Variants in MACF1 observed in about 807,000 individuals in gnomAD.
MACF1 encodes the protein microtubule actin crosslinking factor 1.
In MACF1, 193 loss-of-function variants were observed where a neutral mutation model predicts 854.8. The observed-to-expected ratio is 0.23, with a 90% CI of 0.20 to 0.25. The LOEUF (loss-of-function observed/expected upper bound fraction) is 0.25. Among genes scored for constraint, MACF1 ranks in the 10% least tolerant of loss-of-function variants. The pLI, the probability that MACF1 is intolerant of heterozygous loss-of-function variation, is 1.00. For synonymous variants in MACF1, 3,185 were observed against 3,226.7 expected (o/e 0.99, Z 0.44); for missense variants, 7,722 against 8,929.1 (o/e 0.86, Z 5.45).
chr1:39,194,968 A>G (rs1316435025), intron 2 of MACF1, among the ~76,000 whole-genome samples: 1 of 152,190 alleles, frequency 6.6e-6, no homozygotes, highest in African/African-American at 2.4e-5. Flanking sequence ...CGCTGGGATT[A>G]CAGGGGTGAG....
At position 39,428,361 on chromosome 1, in the gene MACF1, TA is replaced by T. The variant is rs1264787843; in HGVS notation, c.16803+75del. The T allele has an allele frequency of 1.2e-5, 17 of 1,389,948 alleles. No homozygotes were observed. In the African/African-American group the frequency reaches 1.6e-4, roughly 13 times the overall value. 86.1% of individuals were successfully genotyped at this position (1,389,948 alleles called of 1,614,324 possible). Reference sequence around the variant, plus strand: ...ATTTTGATTCATGTTTCTCTTCATTTATTTTTTTTTCTTCATTACAAACACT... The same window carrying T: ...ATTTTGATTCATGTTTCTCTTCATTTTTTTTTTTTCTTCATTACAAACACT... On this transcript the variant is annotated intron_variant, in intron 63 of 100. Coordinates refer to ENST00000564288, the MANE Select transcript of MACF1 (RefSeq NM_001394062.1).
chr1:39,361,602 G>A lies in MACF1; in HGVS notation c.12696G>A (p.Met4232Ile), dbSNP rs761267912. The stretch of plus-strand genomic sequence containing the variant: ...TCTCTGGTAAGCTGCAGCAGTTCAT[G>A]GAAAACAAAAGTCGGATGCTGGCCT... ...EHLSGKLQQFMENKSRMLASG... is the reference protein window; with the variant it reads ...EHLSGKLQQFIENKSRMLASG... Residue 4232 changes from methionine to isoleucine, a missense_variant, in exon 49 of 101, where the codon ATG (methionine) becomes ATA (isoleucine). Met to Ile is a conservative substitution (Grantham distance 10). Transcript: ENST00000564288. The A allele has an allele frequency of 3.1e-6, 5 of 1,614,168 alleles. No individual in the cohort carries two copies. In the Admixed American group the frequency reaches 8.3e-5, roughly 27 times the overall value.
chr1:39,466,133 C>A (rs1331097458), intron 95 of MACF1, among the ~76,000 whole-genome samples: 1 of 152,220 alleles, frequency 6.6e-6, no homozygotes, highest in Non-Finnish European at 1.5e-5. Context: ...CATGCCTACT[C>A]TCACACAGCT....
chr1:39,284,478 G>A (rs1444684820), intron 11 of MACF1, 50 bp downstream of exon 11: 5 of 1,230,330 alleles, frequency 4.1e-6, no homozygotes, highest in Non-Finnish European at 5.7e-6. Flanking sequence ...GGTCTGTACT[G>A]TTGTTGCTTC....
At chr1:39,300,749 C>G (rs373461391) in intron 22 of MACF1, among the ~76,000 whole-genome samples, 1 of 152,126 alleles carries the variant, frequency 6.6e-6, no homozygotes, top group Non-Finnish European at 1.5e-5. Context: ...TAATATTACC[C>G]TAAGAGCATA....
At chr1:39,421,512 G>A (rs939602003) in intron 58 of MACF1, among the ~76,000 whole-genome samples, 3 of 152,162 alleles carry the variant, frequency 2.0e-5, no homozygotes, top group Non-Finnish European at 4.4e-5. Flanking sequence ...TCAGAATGAA[G>A]TTAAATGGCC....
In MACF1 at chr1:39,221,817, G is replaced by T. The variant is rs185749584; in HGVS notation, c.110-9365G>T. 1.0e-3 allele frequency among the ~76,000 whole-genome samples: 152 copies of T among 152,246 alleles called. 1 individual carries two copies. In the South Asian group the frequency reaches 0.019, roughly 19 times the overall value. ...GGTCTGTCACTGGAGACTTCTAACT[G>T]GTTCTTCTGCCTCTTAGTGTCTTTC... On this transcript the variant is annotated intron_variant, in intron 1 of 100. Transcript: ENST00000564288.
chr1:39,439,409 C>T lies in MACF1; in HGVS notation c.18356C>T (p.Thr6119Ile). 6.2e-7 allele frequency: 1 copy of T among 1,614,096 alleles called. No individual in the cohort carries two copies. The highest frequency in any genetic ancestry group is 8.5e-7 in the Non-Finnish European group (1 of 1,179,988). Residue 6119 changes from threonine (T) to isoleucine (I), a missense_variant, in exon 72 of 101, where the codon ACC (threonine) becomes ATC (isoleucine). Thr to Ile is a moderately conservative substitution (Grantham distance 89). Around this residue, in one of 15 missense-constraint regions of MACF1, gnomAD observed 2,807 missense variants for 3,235.8 expected, o/e 0.87. Transcript: ENST00000564288. ...TGGTATGACATGGCAGCTCTCCTGA[C>T]CACCATCAAAGACACCCAGGATATT... ...KFWYDMAALL[T>I]TIKDTQDIVH...
chr1:39,196,180 G>GTA (rs1644317858), intron 2 of MACF1, among the ~76,000 whole-genome samples: 1 of 152,138 alleles, frequency 6.6e-6, no homozygotes, highest in Non-Finnish European at 1.5e-5. Flanking sequence ...TAAATGTGAT[G>GTA]TATACATAGT....
rs1646752852 is a variant in MACF1, at chr1:39,332,993, T to A, written c.6405T>A (p.Pro2135=). Residue 2135 remains proline (P), a synonymous_variant, in exon 37 of 101, where the codon CCT becomes CCA. Transcript: ENST00000564288. ...GCAGGGGACACCTCCTGACCATACCTCCTGCTGAGGCGGAAGGTGTGCCGT... is the reference window on the plus strand; with the variant it reads ...GCAGGGGACACCTCCTGACCATACCACCTGCTGAGGCGGAAGGTGTGCCGT... The part of the protein sequence containing the change: ...NASRGHLLTI[P]PAEAEGVPLV... 2 of 1,613,962 alleles carry A rather than the reference T, an allele frequency of 1.2e-6. No individual in the cohort carries two copies. The highest frequency in any genetic ancestry group is 1.7e-6 in the Non-Finnish European group (2 of 1,180,020).
intron 2 of MACF1, among the ~76,000 whole-genome samples, chr1:39,150,594 T>G (rs1469558270): frequency 6.6e-6 from 1 of 152,192 alleles, no homozygotes; most frequent in Non-Finnish European, 1.5e-5. Context: ...GTTCTTTGTT[T>G]CCTCCAAGAT....
chr1:39,268,993 T>C, intron 6 of MACF1: 1 of 1,286,846 alleles, frequency 7.8e-7, no homozygotes, highest in Non-Finnish European at 1.0e-6. Context: ...AACTCACGGG[T>C]AGTCGATCGG....
At chr1:39,114,409 A>G (rs922613086) in intron 2 of MACF1, among the ~76,000 whole-genome samples, 2 of 152,024 alleles carry the variant, frequency 1.3e-5, no homozygotes, top group Admixed American at 1.3e-4. Context: ...TAATCCACAT[A>G]CATAAGAAGT....
chr1:39,371,086 C>T (rs1212620072), intron 51 of MACF1, among the ~76,000 whole-genome samples: 1 of 151,848 alleles, frequency 6.6e-6, no homozygotes, highest in African/African-American at 2.4e-5. Context: ...TTTAGGAGGC[C>T]GAGGCGGGTG....
At chr1:39,106,068 C>A (rs557878369) in intron 2 of MACF1, among the ~76,000 whole-genome samples, 2 of 152,104 alleles carry the variant, frequency 1.3e-5, no homozygotes, top group Non-Finnish European at 2.9e-5. Context: ...GAGAAACCAC[C>A]CGCTCTGCTC....
intron 31 of MACF1, among the ~76,000 whole-genome samples, chr1:39,321,118 A>G (rs1646507892): frequency 6.6e-6 from 1 of 152,260 alleles, no homozygotes; most frequent in Non-Finnish European, 1.5e-5. Flanking sequence ...GCAAGTACAT[A>G]GAAGATGCTT....
At chr1:39,167,086 C>T (rs545481523) in intron 2 of MACF1, among the ~76,000 whole-genome samples, 2 of 151,932 alleles carry the variant, frequency 1.3e-5, no homozygotes, top group South Asian at 4.2e-4. Flanking sequence ...CTCAGCCTCC[C>T]GAGTAGCTGG....
chr1:39,459,913 C>A, intron 91 of MACF1: 3 of 1,105,732 alleles, frequency 2.7e-6, no homozygotes, highest in Non-Finnish European at 1.2e-6. Flanking sequence ...CTTTTTTCCC[C>A]CATTCCTTCT....
At chr1:39,361,844 T>G (rs1365774275) in intron 49 of MACF1, among the ~76,000 whole-genome samples, 167 bp downstream of exon 49, 1 of 152,220 alleles carries the variant, frequency 6.6e-6, no homozygotes, top group Non-Finnish European at 1.5e-5. Flanking sequence ...TTGTCCATTT[T>G]TTAAGCAACA....
Sources: gnomAD v4.1 joint callset for allele counts (sites outside exome capture counted in the v4.1 genomes callset) on GRCh38, gnomAD v4.1.1 for gene constraint, gnomAD v4.1.1 regional missense constraint, MANE v1.5 for transcripts, NCBI Gene and HGNC (gene_info 2026-07-23, HGNC 2026-07-21) for gene names.